ILRUN: variants seen among roughly 807,000 people sequenced by gnomAD.
The protein encoded by ILRUN is protein ILRUN.
In ILRUN, 3 loss-of-function variants were observed where a neutral mutation model predicts 33.8. The observed-to-expected ratio is 0.09, with a 90% CI of 0.04 to 0.23. The LOEUF (loss-of-function observed/expected upper bound fraction) is 0.23, where lower values mean the gene tolerates loss of function less well. Ranked by LOEUF, ILRUN falls within the 10% of genes least tolerant of loss-of-function variation. The pLI is 1.00. For synonymous variants in ILRUN, 124 were observed against 138.9 expected (o/e 0.89, Z 0.75); for missense variants, 210 against 375.1 (o/e 0.56, Z 3.64).
At chr6:34,682,030 TTA>T in intron 1 of ILRUN, among the ~76,000 whole-genome samples, 1 of 145,392 alleles carries the variant, frequency 6.9e-6, no homozygotes, top group African/African-American at 2.6e-5. Flanking sequence ...TCTTATATTT[TTA>T]TTTTTTTACT....
chr6:34,679,087 G>A (rs557133876), intron 1 of ILRUN, among the ~76,000 whole-genome samples: 30 of 147,624 alleles, frequency 2.0e-4, no homozygotes, highest in African/African-American at 6.8e-4. Context: ...CCCATGACCC[G>A]CAATTTATCC....
intron 3 of ILRUN, among the ~76,000 whole-genome samples, chr6:34,638,366 C>T (rs1762407866): frequency 1.3e-5 from 2 of 152,084 alleles, no homozygotes; most frequent in South Asian, 2.1e-4. Context: ...TGAAACATTC[C>T]TTCTAAAATA....
At chr6:34,675,084 C>A (rs1415465779) in intron 1 of ILRUN, among the ~76,000 whole-genome samples, 1 of 152,086 alleles carries the variant, frequency 6.6e-6, no homozygotes, top group Admixed American at 6.6e-5. Flanking sequence ...AGTTCTAGAC[C>A]AGCCCGGCTA....
At position 34,654,835 on chromosome 6, in the gene ILRUN, T is replaced by C. The variant is rs1239845134; in HGVS notation, c.159-56A>G. On this transcript the variant is annotated intron_variant, in intron 1 of 4. Coordinates refer to ENST00000374023, the MANE Select transcript of ILRUN (RefSeq NM_024294.4). Reference sequence around the variant, plus strand: ...CAGTACTGTCCAGATATTATCCTAATTGTTAAACAAAAGGAAAAAGCCTGT... The same window carrying C: ...CAGTACTGTCCAGATATTATCCTAACTGTTAAACAAAAGGAAAAAGCCTGT... The C allele has an allele frequency of 2.0e-6, 3 of 1,483,806 alleles. No homozygotes were observed. In the Admixed American group the frequency reaches 6.9e-5, roughly 34 times the overall value. The allele number at this position is 1,483,806 out of a possible 1,614,324, so 91.9% of individuals were successfully genotyped here.
chr6:34,609,391 A>G (rs984429833), intron 3 of ILRUN, among the ~76,000 whole-genome samples: 1 of 152,150 alleles, frequency 6.6e-6, no homozygotes, highest in Non-Finnish European at 1.5e-5. Context: ...TTAGGAGGCT[A>G]AGATGGGATA....
chr6:34,672,535 G>GAA (rs774815824), intron 1 of ILRUN, among the ~76,000 whole-genome samples: 71 of 152,048 alleles, frequency 4.7e-4, no homozygotes, highest in Non-Finnish European at 9.0e-4. Context: ...GCAACAAAGA[G>GAA]AAAACCTGTC....
chr6:34,657,091 G>C (rs532526350), intron 1 of ILRUN, among the ~76,000 whole-genome samples: 1 of 152,190 alleles, frequency 6.6e-6, no homozygotes, highest in Admixed American at 6.5e-5. Flanking sequence ...TACACTTAGG[G>C]ATCAGGGAGA....
intron 3 of ILRUN, among the ~76,000 whole-genome samples, chr6:34,609,911 C>T (rs199613814): frequency 6.6e-6 from 1 of 152,116 alleles, no homozygotes; most frequent in Non-Finnish European, 1.5e-5. Context: ...GTAATCCCAG[C>T]ACTTTGGGAG....
intron 1 of ILRUN, among the ~76,000 whole-genome samples, chr6:34,677,947 CAAAAAA>C (rs200840957): frequency 1.7e-4 from 13 of 74,350 alleles, no homozygotes; most frequent in African/African-American, 6.2e-4. Flanking sequence ...ATCCTGCCTC[CAAAAAA>C]AAAAAAAAAA....
Position 34,654,639 on chromosome 6 carries a change from C to T in ILRUN, c.299G>A (p.Arg100Gln), listed in dbSNP as rs1218560928. 1.9e-6 allele frequency: 3 copies of T among 1,610,494 alleles called. No individual in the cohort carries two copies. The highest frequency in any genetic ancestry group is 1.7e-6 in the Non-Finnish European group (2 of 1,178,792). ...TATGTACTTACCAGAATTCTGGATCCGCCATGTTTTTACAAACTGAGTATC... is the reference window on the plus strand; with the variant it reads ...TATGTACTTACCAGAATTCTGGATCTGCCATGTTTTTACAAACTGAGTATC... Reference protein sequence around the residue: ...PPDTQFVKTWRIQNSGAEAWP... With the variant: ...PPDTQFVKTWQIQNSGAEAWP... The change falls in exon 2 of 5, where the codon CGG becomes CAG. Residue 100 changes from arginine to glutamine, a missense_variant. Transcript: ENST00000374023.
rs547130213 is a variant in ILRUN at position 34,589,269 on chromosome 6, A to AT, written c.*1295_*1296insA. On this transcript the variant is annotated 3_prime_UTR_variant, in exon 5 of 5. Coordinates refer to ENST00000374023, the MANE Select transcript of ILRUN (RefSeq NM_024294.4). ...CACCTGCCTGAGTGAGCAGCCAGTCAATCAGCCTCTTGCTTCAGCTGGGCT... is the reference window on the plus strand; with the variant it reads ...CACCTGCCTGAGTGAGCAGCCAGTCATATCAGCCTCTTGCTTCAGCTGGGCT... The AT allele has an allele frequency of 1.8e-4, 27 of 152,450 alleles. No homozygotes were observed. Among genetic ancestry groups the AT allele is most frequent in the Non-Finnish European group, 3.4e-4 (23 of 68,042 alleles). The allele number at this position is 152,450 out of a possible 1,614,324, so 9.4% of individuals were successfully genotyped here. A position where few individuals can be genotyped will look rare whatever the true frequency, so the allele number is the denominator to read the frequency against.
chr6:34,664,024 T>C (rs1003336679), intron 1 of ILRUN, among the ~76,000 whole-genome samples: 1 of 152,184 alleles, frequency 6.6e-6, no homozygotes, highest in African/African-American at 2.4e-5. Flanking sequence ...AACAGGGCCG[T>C]GAGCTAAGGA....
chr6:34,632,695 T>C (rs1386730186), intron 3 of ILRUN, among the ~76,000 whole-genome samples: 1 of 151,460 alleles, frequency 6.6e-6, no homozygotes, highest in Non-Finnish European at 1.5e-5. Flanking sequence ...TTTTTTTTTT[T>C]TGTATTTTTA....
At chr6:34,695,119 T>C (rs952817371) in intron 1 of ILRUN, among the ~76,000 whole-genome samples, 4 of 151,130 alleles carry the variant, frequency 2.6e-5, no homozygotes, top group Admixed American at 2.0e-4. Context: ...CTCCTACTAA[T>C]AGATGAGCAT....
intron 1 of ILRUN, among the ~76,000 whole-genome samples, chr6:34,694,842 G>C (rs1438545957): frequency 2.0e-5 from 3 of 152,074 alleles, no homozygotes; most frequent in Non-Finnish European, 1.5e-5. Flanking sequence ...GAGATCAGGA[G>C]TTCAAGATCA....
chr6:34,661,725 T>C (rs1326877429), intron 1 of ILRUN, among the ~76,000 whole-genome samples: 1 of 152,250 alleles, frequency 6.6e-6, no homozygotes, highest in African/African-American at 2.4e-5. Context: ...TATCATTATC[T>C]AGTTTGAAGT....
intron 3 of ILRUN, among the ~76,000 whole-genome samples, chr6:34,642,748 G>A (rs770682758): frequency 1.3e-5 from 2 of 149,046 alleles, no homozygotes; most frequent in Non-Finnish European, 3.0e-5. Flanking sequence ...CAACACTTTA[G>A]GAGGCTGAGG....
chr6:34,631,790 G>T (rs1181018937), intron 3 of ILRUN, among the ~76,000 whole-genome samples: 2 of 152,074 alleles, frequency 1.3e-5, no homozygotes, highest in African/African-American at 4.8e-5. Context: ...TCCTTTTGGG[G>T]TTATAAAATA....
At chr6:34,664,279 A>C (rs1393028417) in intron 1 of ILRUN, among the ~76,000 whole-genome samples, 1 of 152,252 alleles carries the variant, frequency 6.6e-6, no homozygotes, top group Admixed American at 6.5e-5. Context: ...AATGTTTATC[A>C]TAACAAGAAA....
Sources: allele counts gnomAD v4.1 joint callset (sites outside exome capture counted in the v4.1 genomes callset), GRCh38; gene constraint gnomAD v4.1.1; transcripts MANE v1.5; gene names NCBI Gene and HGNC (gene_info 2026-07-23, HGNC 2026-07-21).